Variants in DUOX1 observed in about 807,000 individuals in gnomAD.
DUOX1 encodes the protein dual oxidase 1.
Under a neutral mutation model 181.8 loss-of-function variants are expected in DUOX1, and 134 were observed. That is an observed-to-expected ratio of 0.74 (90% confidence interval 0.64 to 0.85). DUOX1 has a LOEUF of 0.85. Ranked by LOEUF, DUOX1 falls within the 40% of genes least tolerant of loss-of-function variation. DUOX1 has a pLI of 0.00. For missense variants in DUOX1, 1,814 were observed against 2,064.4 expected, an observed-to-expected ratio of 0.88 and a Z score of 2.35; for synonymous variants, 798 against 832.5, an observed-to-expected ratio of 0.96 and a Z score of 0.71.
chr15:45,142,809 A>AAGGAAGGAAGGG, intron 15 of DUOX1, among the ~76,000 whole-genome samples: 1 of 150,590 alleles, frequency 6.6e-6, no homozygotes, highest in African/African-American at 2.4e-5. Flanking sequence ...GGGAGGGAGG[A>AAGGAAGGAAGGG]AGAGCAGGCT....
Position 45,140,913 on chromosome 15 carries a change from G to A in DUOX1, c.1408G>A (p.Ala470Thr). The change falls in exon 13 of 34, where the codon GCC becomes ACC. Residue 470 changes from alanine to threonine, a missense_variant. Around this residue, in one of 5 missense-constraint regions of DUOX1, gnomAD observed 1,064 missense variants for 1,152.9 expected, o/e 0.92. Transcript: ENST00000389037. ...SNDTVLEATA[A>T]LYNQDLSWLE... is the part of the protein sequence containing the mutation. ...GTTCCAGGTACTGGAGGCCACAGCT[G>A]CCCTGTACAACCAGGACTTATCCTG... The A allele has an allele frequency of 6.2e-7, 1 of 1,614,090 alleles. No individual in the cohort carries two copies. Among genetic ancestry groups the A allele is most frequent in the African/African-American group, 1.3e-5 (1 of 75,012 alleles).
In DUOX1 at chr15:45,139,878, T is replaced by G. The variant is rs1040182201; in HGVS notation, c.1389+279T>G. On this transcript the variant is annotated intron_variant, in intron 12 of 33. Coordinates refer to ENST00000389037, the MANE Select transcript of DUOX1 (RefSeq NM_175940.3). The stretch of plus-strand genomic sequence containing the variant: ...ATAGTCACTATCTTATTTACTGTTC[T>G]CTCCACCCTCCTGAGTGGGTATAGA... 7 of 564,636 alleles carry G rather than the reference T, an allele frequency of 1.2e-5. No individual in the cohort carries two copies. In the African/African-American group the frequency reaches 1.3e-4, roughly 11 times the overall value. 35.0% of individuals were successfully genotyped at this position (564,636 alleles called of 1,614,324 possible).
intron 29 of DUOX1, among the ~76,000 whole-genome samples, 155 bp downstream of exon 29, chr15:45,161,145 G>A (rs1342559358): frequency 6.6e-6 from 1 of 152,112 alleles, no homozygotes; most frequent in African/African-American, 2.4e-5. Flanking sequence ...AAGGCGCAGT[G>A]GCTCACGCCT....
Position 45,136,591 on chromosome 15 carries a change from C to A in DUOX1, c.988C>A (p.Leu330Met). Residue 330 changes from leucine (L) to methionine (M), a missense_variant, in exon 9 of 34, where the codon CTG becomes ATG. By Grantham distance (15) the Leu-to-Met change is conservative. Around this residue, in one of 5 missense-constraint regions of DUOX1, gnomAD observed 1,064 missense variants for 1,152.9 expected, o/e 0.92. Transcript: ENST00000389037. ...SEFVAASEQFLSTMVPPGVYM... is the reference protein window; with the variant it reads ...SEFVAASEQFMSTMVPPGVYM... ...GTTCGTGGCGGCCTCTGAGCAGTTCCTGTCCACCATGGTGCCCCCTGGCGT... is the reference window on the plus strand; with the variant it reads ...GTTCGTGGCGGCCTCTGAGCAGTTCATGTCCACCATGGTGCCCCCTGGCGT... 6.2e-7 allele frequency: 1 copy of A among 1,614,126 alleles called. No homozygotes were observed. Among genetic ancestry groups the A allele is most frequent in the Non-Finnish European group, 8.5e-7 (1 of 1,180,042 alleles).
At chr15:45,135,376 A>T (rs1896274034) in intron 5 of DUOX1, 85 bp downstream of exon 5, 2 of 1,495,540 alleles carry the variant, frequency 1.3e-6, no homozygotes, top group South Asian at 1.3e-5. Context: ...TGGAGGGGAG[A>T]GGCGCCCACT....
intron 21 of DUOX1, chr15:45,150,170 C>T (rs914581257): frequency 1.3e-5 from 2 of 154,484 alleles, no homozygotes; most frequent in African/African-American, 4.8e-5. Flanking sequence ...GAGCTTTTCT[C>T]CTGCATATTT....
intron 18 of DUOX1, among the ~76,000 whole-genome samples, chr15:45,146,315 T>C (rs957311614): frequency 6.6e-6 from 1 of 152,142 alleles, no homozygotes; most frequent in Non-Finnish European, 1.5e-5. Flanking sequence ...TGATTTAAAG[T>C]CATTTGAGGA....
At position 45,163,673 on chromosome 15, in the gene DUOX1, A is replaced by G. The variant is rs113820489; in HGVS notation, c.4390A>G (p.Arg1464Gly). The G allele has an allele frequency of 6.2e-7, 1 of 1,614,110 alleles. No homozygotes were observed. The change falls in exon 32 of 34, where the codon AGG (arginine) becomes GGG (glycine). Residue 1464 changes from arginine to glycine, a missense_variant. This residue lies in a region of DUOX1 where 124 missense variants were observed against 125.7 expected (regional missense o/e 0.99). Coordinates refer to ENST00000389037, the MANE Select transcript of DUOX1 (RefSeq NM_175940.3). ...ITQLAEKFDL[R>G]TTMLYICERH... The stretch of plus-strand genomic sequence containing the variant: ...CCAGCTGGCTGAGAAGTTCGACCTC[A>G]GGACCACTATGCTGGTATGTCAGGG...
intron 27 of DUOX1, among the ~76,000 whole-genome samples, chr15:45,154,775 AATCTT>A (rs1405450912): frequency 6.6e-6 from 1 of 152,200 alleles, no homozygotes; most frequent in Admixed American, 6.5e-5. Flanking sequence ...TCAGGGCTCT[AATCTT>A]CTTAACTTCT....
chr15:45,160,974 G>A lies in DUOX1; in HGVS notation c.3840G>A (p.Ala1280=), dbSNP rs770086006. ...RKKVEISVVK[A]ELLPSGVTHL... Reference sequence around the variant, plus strand: ...AGGTGGAGATCAGCGTGGTGAAGGCGGAGCTGCTGCCCTCAGGTACCAGCC... The same window carrying A: ...AGGTGGAGATCAGCGTGGTGAAGGCAGAGCTGCTGCCCTCAGGTACCAGCC... The change falls in exon 29 of 34, where the codon GCG becomes GCA. Residue 1280 remains alanine (A), a synonymous_variant. Coordinates refer to ENST00000389037, the MANE Select transcript of DUOX1 (RefSeq NM_175940.3). 19 of 1,614,000 alleles carry A rather than the reference G, an allele frequency of 1.2e-5. No homozygotes were observed. Among genetic ancestry groups the A allele is most frequent in the Admixed American group, 6.7e-5 (4 of 60,002 alleles).
In DUOX1 at chr15:45,161,415, C is replaced by CAAAAAAA. The variant is rs35506541; in HGVS notation, c.3857-304_3857-298dup. Among the ~76,000 whole-genome samples the CAAAAAAA allele has an allele frequency of 9.3e-4, 45 of 48,202 alleles. 1 individual carries two copies. Among genetic ancestry groups the CAAAAAAA allele is most frequent in the African/African-American group, 3.2e-3 (41 of 12,670 alleles). 31.6% of individuals were successfully genotyped at this position (48,202 alleles called of 152,430 possible). A position where few individuals can be genotyped will look rare whatever the true frequency, so the allele number is the denominator to read the frequency against. Reference sequence around the variant, plus strand: ...GCCTGGCAACAGAGTGAGACTGTGTCAAAAAAAAAAAAAAAAAAAAAAAAA... The same window carrying CAAAAAAA: ...GCCTGGCAACAGAGTGAGACTGTGTCAAAAAAAAAAAAAAAAAAAAAAAAAAAAAAAA... On this transcript the variant is annotated intron_variant, in intron 29 of 33. Transcript: ENST00000389037.
chr15:45,157,680 G>A (rs1206355797), intron 28 of DUOX1, among the ~76,000 whole-genome samples: 2 of 152,002 alleles, frequency 1.3e-5, no homozygotes, highest in Non-Finnish European at 2.9e-5. Flanking sequence ...TTAGCTGAGT[G>A]TGGTGACGCA....
chr15:45,155,245 G>A (rs994888579), intron 27 of DUOX1, among the ~76,000 whole-genome samples: 6 of 152,222 alleles, frequency 3.9e-5, no homozygotes, highest in Non-Finnish European at 5.9e-5. Context: ...TCAGGAAAGT[G>A]ACAGACAAAA....
chr15:45,135,199 G>C lies in DUOX1; in HGVS notation c.403G>C (p.Asp135His). 2.5e-6 allele frequency: 4 copies of C among 1,613,764 alleles called. No homozygotes were observed. Among genetic ancestry groups the C allele is most frequent in the Non-Finnish European group, 3.4e-6 (4 of 1,179,990 alleles). Residue 135 changes from aspartate to histidine, a missense_variant, in exon 5 of 34, where the codon GAC becomes CAC. Asp to His is a moderately conservative substitution (Grantham distance 81). This residue lies in a region of DUOX1 where 320 missense variants were observed against 313.1 expected (regional missense o/e 1.02). Coordinates refer to ENST00000389037, the MANE Select transcript of DUOX1 (RefSeq NM_175940.3). ...CATCCCGCCCGGAGACCCCATGTTC[G>C]ACCCCGACCAGCGCGGGGACGTGGT... ...IRIPPGDPMF[D>H]PDQRGDVVLP...
At chr15:45,140,088 C>A in intron 12 of DUOX1, 1 of 1,353,436 alleles carries the variant, frequency 7.4e-7, no homozygotes, top group Non-Finnish European at 1.0e-6. Flanking sequence ...GGTCACCATC[C>A]CACAGCCGCA....
chr15:45,138,931 T>G, intron 10 of DUOX1, 135 bp from the exon 11 acceptor site: 1 of 751,898 alleles, frequency 1.3e-6, no homozygotes, highest in South Asian at 1.9e-5. Context: ...AGAAGAGGAA[T>G]GTCCCACCGG....
chr15:45,152,963 C>A, intron 25 of DUOX1: 1 of 310,994 alleles, frequency 3.2e-6, no homozygotes, highest in Non-Finnish European at 6.1e-6. Context: ...GCTTATGCCC[C>A]TAATCCCAGC....
Position 45,147,492 on chromosome 15 carries a change from G to A in DUOX1, c.2382G>A (p.Val794=), listed in dbSNP as rs551889836. The change falls in exon 19 of 34, where the codon GTG becomes GTA. Residue 794 remains valine, a synonymous_variant. Coordinates refer to ENST00000389037, the MANE Select transcript of DUOX1 (RefSeq NM_175940.3). ...GTLPLDSSQK[V]REALTCELSR... is the part of the protein sequence containing the mutation. ...TGCCCCTGGACTCCTCCCAGAAGGT[G>A]CGGGAGGCCCTGACCTGTGAGCTGA... 7.4e-6 allele frequency: 12 copies of A among 1,614,072 alleles called. No homozygotes were observed. In the East Asian group the frequency reaches 1.1e-4, roughly 15 times the overall value.
intron 15 of DUOX1, 51 bp downstream of exon 15, chr15:45,142,163 G>A (rs1896517442): frequency 1.3e-6 from 2 of 1,586,280 alleles, no homozygotes; most frequent in East Asian, 4.5e-5. Context: ...GCTAGGGGAT[G>A]CAGTTTGGGT....
Sources: allele counts gnomAD v4.1 joint callset (sites outside exome capture counted in the v4.1 genomes callset), GRCh38; gene constraint gnomAD v4.1.1; regional missense constraint gnomAD v4.1.1; transcripts MANE v1.5; gene names NCBI Gene and HGNC (gene_info 2026-07-23, HGNC 2026-07-21).